ZIM3: variants seen among roughly 807,000 people sequenced by gnomAD.
The protein encoded by ZIM3 is zinc finger protein 657.
A neutral mutation model predicts 12.9 loss-of-function variants in ZIM3; 11 were observed. The ratio of observed to expected loss-of-function variants is 0.85; its 90% CI spans 0.54 to 1.41. The LOEUF (loss-of-function observed/expected upper bound fraction) is 1.41, where lower values mean the gene tolerates loss of function less well. Ranked by LOEUF, ZIM3 falls within the 40% of genes most tolerant of loss-of-function variation. ZIM3 has a pLI of 0.00. For synonymous variants in ZIM3, 205 were observed against 198.5 expected, an observed-to-expected ratio of 1.03 and a Z score of -0.28; for missense variants, 604 against 557.2, an observed-to-expected ratio of 1.08 and a Z score of -0.85.
At position 57,134,838 on chromosome 19, in the gene ZIM3, A is replaced by G; in HGVS notation, c.*80T>C. ...CCTTCAAAAATAGCCTCCAAATTAG[A>G]GGCCATTTCAACATGGAATTCTGGG... On this transcript the variant is annotated 3_prime_UTR_variant, in exon 5 of 5. Transcript: ENST00000269834. 1.4e-6 allele frequency: 2 copies of G among 1,422,312 alleles called. No homozygotes were observed. Among genetic ancestry groups the G allele is most frequent in the Non-Finnish European group, 1.9e-6 (2 of 1,047,892 alleles). 88.1% of individuals were successfully genotyped at this position (1,422,312 alleles called of 1,614,324 possible). A position where few individuals can be genotyped will look rare whatever the true frequency, so the allele number is the denominator to read the frequency against.
At position 57,135,598 on chromosome 19, in the gene ZIM3, T is replaced by C. The variant is rs1568458083; in HGVS notation, c.739A>G (p.Lys247Glu). Reference sequence around the variant, plus strand: ...GTCTTACACTGATAGGGTTTCTCTTTAGTATGCATTTTCTGATGTTGAAAG... The same window carrying C: ...GTCTTACACTGATAGGGTTTCTCTTCAGTATGCATTTTCTGATGTTGAAAG... ...NLFQHQKMHT[K>E]EKPYQCKTCG... Residue 247 changes from lysine (K) to glutamate (E), a missense_variant, in exon 5 of 5, where the codon AAA becomes GAA. Lys to Glu is a moderately conservative substitution (Grantham distance 56). Transcript: ENST00000269834. 6 of 1,614,038 alleles carry C rather than the reference T, an allele frequency of 3.7e-6. No individual in the cohort carries two copies. Among genetic ancestry groups the C allele is most frequent in the South Asian group, 1.1e-5 (1 of 91,078 alleles).
chr19:57,141,530 GAAATTGACCCTTCCGCTGTTAA>G (rs1264335709), intron 2 of ZIM3, among the ~76,000 whole-genome samples: 1 of 151,386 alleles, frequency 6.6e-6, no homozygotes, highest in Non-Finnish European at 1.5e-5. Flanking sequence ...GATAAACATA[GAAATTGACCCTTCCGCTGTTAA>G]AGCTTGAAAC....
Position 57,136,016 on chromosome 19 carries a change from G to T in ZIM3, c.321C>A (p.Ile107=). The stretch of plus-strand genomic sequence containing the variant: ...TCTGCGTAGTCAGCGTTTCCTTATT[G>T]ATTGATGGGACTTCTCTTGCGAGAC... ...KESLAREVPS[I]NKETLTTQKG... The change falls in exon 5 of 5, where the codon ATC becomes ATA. Residue 107 remains isoleucine (I), a synonymous_variant. Transcript: ENST00000269834. 6.2e-7 allele frequency: 1 copy of T among 1,614,132 alleles called. No homozygotes were observed. Among genetic ancestry groups the T allele is most frequent in the Non-Finnish European group, 8.5e-7 (1 of 1,180,020 alleles).
Position 57,135,027 on chromosome 19 carries a change from T to C in ZIM3, c.1310A>G (p.His437Arg). Residue 437 changes from histidine (H) to arginine (R), a missense_variant, in exon 5 of 5, where the codon CAT (histidine) becomes CGT (arginine). Transcript: ENST00000269834. ...TTTTTGTCCAGTATGGGTTTTTTTA[T>C]GCAAACTAAGGTTTAATTTCCGGAT... ...TFIRKLNLSL[H>R]KKTHTGQKPY... The C allele has an allele frequency of 1.2e-6, 2 of 1,614,184 alleles. No individual in the cohort carries two copies. Among genetic ancestry groups the C allele is most frequent in the Middle Eastern group, 1.6e-4 (1 of 6,062 alleles).
intron 2 of ZIM3, among the ~76,000 whole-genome samples, chr19:57,139,340 G>A (rs1348148336): frequency 6.6e-6 from 1 of 151,290 alleles, no homozygotes; most frequent in African/African-American, 2.4e-5. Context: ...AGAAAAAAAA[G>A]AAAAAGAAAA....
chr19:57,138,740 G>A, intron 2 of ZIM3, 142 bp from the exon 3 acceptor site: 1 of 1,142,336 alleles, frequency 8.8e-7, no homozygotes. Flanking sequence ...GTGCCCAGAG[G>A]ATCTTGCCAA....
chr19:57,143,056 G>A (rs573825099), intron 1 of ZIM3, among the ~76,000 whole-genome samples: 77 of 152,004 alleles, frequency 5.1e-4, no homozygotes, highest in Non-Finnish European at 9.4e-4. Flanking sequence ...GGCTGGGCGC[G>A]GTGACTCATG....
intron 3 of ZIM3, 30 bp from the exon 4 acceptor site, chr19:57,137,001 G>T: frequency 1.2e-6 from 2 of 1,607,496 alleles, no homozygotes; most frequent in South Asian, 2.2e-5. Flanking sequence ...AAGGCTTGGT[G>T]TTTGTGGATG....
intron 2 of ZIM3, among the ~76,000 whole-genome samples, chr19:57,140,499 G>A (rs1035615066): frequency 4.0e-5 from 6 of 149,640 alleles, no homozygotes; most frequent in Admixed American, 3.3e-4. Flanking sequence ...TTTTGACACA[G>A]GTTCTTGCTC....
In ZIM3 at chr19:57,134,938, T is replaced by C. The variant is rs1457308500; in HGVS notation, c.1399A>G (p.Lys467Glu). The C allele has an allele frequency of 6.2e-7, 1 of 1,611,968 alleles. No homozygotes were observed. The highest frequency in any genetic ancestry group is 2.2e-5 in the East Asian group (1 of 44,862). Residue 467 changes from lysine to glutamate, a missense_variant, in exon 5 of 5, where the codon AAA becomes GAA. Physicochemically the swap from Lys to Glu is moderately conservative, Grantham distance 56. Transcript: ENST00000269834. ...ADRSYLVRHQ[K>E]RIHSR ...GGCTCCTATCTGGAGTGAATTCTTT[T>C]CTGGTGCCTAACAAGGTATGACCTG...
intron 3 of ZIM3, among the ~76,000 whole-genome samples, chr19:57,137,940 AAGGAAGGAAAG>A (rs1568458798): frequency 1.1e-4 from 7 of 62,514 alleles, no homozygotes; most frequent in African/African-American, 5.4e-4. Flanking sequence ...GGAAGGAAGG[AAGGAAGGAAAG>A]AAGGAAGGAA....
At chr19:57,140,741 G>T (rs1438269244) in intron 2 of ZIM3, among the ~76,000 whole-genome samples, 1 of 152,092 alleles carries the variant, frequency 6.6e-6, no homozygotes, top group Non-Finnish European at 1.5e-5. Context: ...CAAAGTGCTG[G>T]GATTACAGGT....
At chr19:57,142,817 C>T (rs901988602) in intron 1 of ZIM3, 132 bp from the exon 2 acceptor site, 3 of 616,616 alleles carry the variant, frequency 4.9e-6, no homozygotes, top group Non-Finnish European at 5.6e-6. Flanking sequence ...TGACTTGTAC[C>T]TCAGTGATCC....
chr19:57,141,339 T>C (rs1323276604), intron 2 of ZIM3, among the ~76,000 whole-genome samples: 1 of 141,782 alleles, frequency 7.1e-6, no homozygotes, highest in Non-Finnish European at 1.5e-5. Context: ...AGGTGGAGGT[T>C]GCAGTGAGCC....
intron 2 of ZIM3, among the ~76,000 whole-genome samples, chr19:57,142,089 T>G (rs1850353683): frequency 6.6e-6 from 1 of 151,738 alleles, no homozygotes; most frequent in South Asian, 2.1e-4. Context: ...ATTGGCTTTC[T>G]GTGCAGCCAG....
intron 2 of ZIM3, among the ~76,000 whole-genome samples, chr19:57,139,463 C>T (rs989597055): frequency 6.6e-6 from 1 of 152,066 alleles, no homozygotes; most frequent in South Asian, 2.1e-4. Context: ...TGGTGGCTCA[C>T]ACCTATAATC....
At chr19:57,143,331 A>G (rs545470887) in intron 1 of ZIM3, among the ~76,000 whole-genome samples, 2 of 136,062 alleles carry the variant, frequency 1.5e-5, no homozygotes, top group Non-Finnish European at 3.1e-5. Context: ...ACTCCGTCCC[A>G]AAAAAAAAAA....
At chr19:57,143,354 G>T (rs996734036) in intron 1 of ZIM3, among the ~76,000 whole-genome samples, 57 of 151,508 alleles carry the variant, frequency 3.8e-4, no homozygotes, top group African/African-American at 1.3e-3. Flanking sequence ...AAGAGAGAGA[G>T]AGAAAGCTAA....
chr19:57,142,725 C>A, intron 1 of ZIM3, 40 bp from the exon 2 acceptor site: 1 of 1,537,690 alleles, frequency 6.5e-7, no homozygotes, highest in Non-Finnish European at 9.0e-7. Context: ...TAGCAGAATT[C>A]GCTTTGGAAG....
Sources: gnomAD v4.1 joint callset for allele counts (sites outside exome capture counted in the v4.1 genomes callset) on GRCh38, gnomAD v4.1.1 for gene constraint, MANE v1.5 for transcripts, NCBI Gene and HGNC (gene_info 2026-07-23, HGNC 2026-07-21) for gene names.